The following ITGA9 variants were observed in gnomAD, a reference collection of about 807,000 sequenced individuals.
The protein encoded by ITGA9 is integrin alpha-9.
A neutral mutation model predicts 127.8 loss-of-function variants in ITGA9; 56 were observed. The observed-to-expected ratio is 0.44, with a 90% confidence interval of 0.35 to 0.55. The LOEUF is 0.55. Ranked by LOEUF, ITGA9 falls within the 20% of genes least tolerant of loss-of-function variation. ITGA9 has a pLI of 0.00. For missense variants in ITGA9, 1,196 were observed against 1,347.1 expected (o/e 0.89, Z 1.76); for synonymous variants, 508 against 514.5 (o/e 0.99, Z 0.17).
intron 8 of ITGA9, among the ~76,000 whole-genome samples, chr3:37,510,271 C>T (rs372177210): frequency 6.6e-6 from 1 of 151,970 alleles, no homozygotes; most frequent in Non-Finnish European, 1.5e-5. Flanking sequence ...TCCCAGAGTG[C>T]GGGATGATAG....
In ITGA9 at chr3:37,627,024, G is replaced by A. The variant is rs375258242; in HGVS notation, c.1690-2163G>A. Among the ~76,000 whole-genome samples the A allele has an allele frequency of 2.0e-5, 3 of 152,174 alleles. No homozygotes were observed. The East Asian group carries it at 5.8e-4, about 29-fold the overall frequency. On this transcript the variant is annotated intron_variant, in intron 15 of 27. Coordinates refer to ENST00000264741, the MANE Select transcript of ITGA9 (RefSeq NM_002207.3). ...CTGGTTAGCAGAGTCAGCGGGCAGG[G>A]AGGATCTGGATCCTGGGGTTGTGTG... is the stretch of plus-strand genomic sequence containing the variant.
At chr3:37,691,623 C>T (rs1175631384) in intron 18 of ITGA9, among the ~76,000 whole-genome samples, 1 of 152,166 alleles carries the variant, frequency 6.6e-6, no homozygotes, top group South Asian at 2.1e-4. Context: ...CTCCAGCCTG[C>T]AGGCCACCAG....
At chr3:37,694,113 C>T (rs72859019) in intron 18 of ITGA9, among the ~76,000 whole-genome samples, 24,095 of 152,202 alleles carry the variant, frequency 0.16, 2,317 homozygotes, top group African/African-American at 0.25. Flanking sequence ...TGTATAACGC[C>T]AGGTAGAAAA....
chr3:37,762,695 C>T (rs1696736937), intron 23 of ITGA9, among the ~76,000 whole-genome samples: 1 of 152,236 alleles, frequency 6.6e-6, no homozygotes, highest in African/African-American at 2.4e-5. Context: ...CAGCAGCAGC[C>T]ATTTCAAACG....
At chr3:37,474,177 T>G (rs1017226780) in intron 3 of ITGA9, among the ~76,000 whole-genome samples, 13 of 152,204 alleles carry the variant, frequency 8.5e-5, no homozygotes, top group African/African-American at 3.1e-4. Flanking sequence ...TTGAGGGAGA[T>G]AGAAAGAAAA....
chr3:37,797,413 G>A (rs1373783588), intron 26 of ITGA9, among the ~76,000 whole-genome samples: 1 of 152,084 alleles, frequency 6.6e-6, no homozygotes, highest in Non-Finnish European at 1.5e-5. Flanking sequence ...CACCTAAGAA[G>A]CTCCATTGTA....
intron 24 of ITGA9, among the ~76,000 whole-genome samples, chr3:37,778,608 A>C (rs918805757): frequency 6.7e-6 from 1 of 149,150 alleles, no homozygotes; most frequent in African/African-American, 2.5e-5. Flanking sequence ...ACAGAGCAAG[A>C]CTCTGTCTCA....
intron 14 of ITGA9, among the ~76,000 whole-genome samples, chr3:37,534,045 T>G (rs267558): frequency 0.64 from 96,626 of 152,042 alleles, 31,194 homozygotes; most frequent in East Asian, 0.86. Context: ...CCTGCCATTT[T>G]TCTGGCTGGG....
chr3:37,508,645 A>C lies in ITGA9; in HGVS notation c.897+18A>C, dbSNP rs1408356500. ...GTAAAAAGGTGAGGTTCTTGGTATA[A>C]GTGACTATTTTTTATTTGAGAGATG... On this transcript the variant is annotated intron_variant, in intron 8 of 27. Coordinates refer to ENST00000264741, the MANE Select transcript of ITGA9 (RefSeq NM_002207.3). The C allele has an allele frequency of 6.2e-7, 1 of 1,602,370 alleles. No individual in the cohort carries two copies.
At chr3:37,521,850 G>A (rs980543066) in intron 11 of ITGA9, among the ~76,000 whole-genome samples, 2 of 152,176 alleles carry the variant, frequency 1.3e-5, no homozygotes, top group African/African-American at 4.8e-5. Context: ...TGGGATGTAG[G>A]GCTTTGCCTG....
At chr3:37,679,414 T>C (rs1700713422) in intron 17 of ITGA9, among the ~76,000 whole-genome samples, 1 of 152,094 alleles carries the variant, frequency 6.6e-6, no homozygotes, top group African/African-American at 2.4e-5. Flanking sequence ...GCCAAAGCCC[T>C]TCCCGACTGA....
chr3:37,716,485 C>T (rs1286531029), intron 18 of ITGA9, among the ~76,000 whole-genome samples: 2 of 151,272 alleles, frequency 1.3e-5, no homozygotes, highest in Non-Finnish European at 2.9e-5. Flanking sequence ...AAAGGTTGCT[C>T]AGTCAACAAC....
intron 6 of ITGA9, among the ~76,000 whole-genome samples, chr3:37,504,963 A>G (rs980263583): frequency 1.1e-4 from 16 of 152,216 alleles, no homozygotes; most frequent in African/African-American, 3.9e-4. Context: ...CCTGCTAGCA[A>G]GGCTCTCAGA....
chr3:37,635,833 A>G (rs998500722), intron 16 of ITGA9, among the ~76,000 whole-genome samples: 49 of 128,316 alleles, frequency 3.8e-4, no homozygotes, highest in Admixed American at 3.0e-3. Context: ...TCCTGTGTCC[A>G]TGTGTTCTCA....
chr3:37,568,951 CA>C (rs1281697911), intron 15 of ITGA9, among the ~76,000 whole-genome samples: 1 of 152,202 alleles, frequency 6.6e-6, no homozygotes, highest in African/African-American at 2.4e-5. Context: ...GATATCTTCA[CA>C]GCAATAGCCC....
At chr3:37,669,599 A>G (rs549691678) in intron 17 of ITGA9, among the ~76,000 whole-genome samples, 1 of 152,360 alleles carries the variant, frequency 6.6e-6, no homozygotes, top group South Asian at 2.1e-4. Flanking sequence ...AAGTTTCAAA[A>G]GGAAATCAAA....
At chr3:37,670,093 G>T (rs912536559) in intron 17 of ITGA9, among the ~76,000 whole-genome samples, 1 of 150,434 alleles carries the variant, frequency 6.6e-6, no homozygotes, top group African/African-American at 2.5e-5. Flanking sequence ...AGAAAAAAAA[G>T]AAATACAAAT....
chr3:37,561,884 A>T (rs1434066411), intron 15 of ITGA9, among the ~76,000 whole-genome samples: 1 of 152,120 alleles, frequency 6.6e-6, no homozygotes, highest in East Asian at 1.9e-4. Context: ...ATTCTCAGGG[A>T]TTTGGAGGGT....
intron 18 of ITGA9, among the ~76,000 whole-genome samples, chr3:37,703,476 A>G (rs1054303886): frequency 1.3e-5 from 2 of 152,250 alleles, no homozygotes; most frequent in Non-Finnish European, 2.9e-5. Context: ...AAAAAGGTCA[A>G]TTATATCTTA....
Sources: gnomAD v4.1 joint callset for allele counts (sites outside exome capture counted in the v4.1 genomes callset) on GRCh38, gnomAD v4.1.1 for gene constraint, MANE v1.5 for transcripts, NCBI Gene and HGNC (gene_info 2026-07-23, HGNC 2026-07-21) for gene names.